The following TENM2 variants were observed in gnomAD, a reference collection of about 807,000 sequenced individuals.
TENM2 encodes teneurin-2.
A neutral mutation model predicts 245.2 loss-of-function variants in TENM2; 52 were observed. That is an observed-to-expected ratio of 0.21 (90% confidence interval 0.17 to 0.27). The LOEUF is 0.27. TENM2 is among the 10% of genes least tolerant of loss of function. TENM2 has a pLI of 1.00. For missense variants in TENM2, 3,046 were observed against 3,666.8 expected (o/e 0.83, Z 4.37); for synonymous variants, 1,363 against 1,438.9 (o/e 0.95, Z 1.19).
At chr5:168,020,822 C>T (rs1311474802) in intron 5 of TENM2, among the ~76,000 whole-genome samples, 1 of 152,148 alleles carries the variant, frequency 6.6e-6, no homozygotes, top group Non-Finnish European at 1.5e-5. Context: ...AGGTGACATG[C>T]CAAACCAAAG....
intron 6 of TENM2, 123 bp downstream of exon 8, chr5:168,047,672 A>G (rs940685780): frequency 6.2e-5 from 75 of 1,202,244 alleles, no homozygotes; most frequent in Non-Finnish European, 2.2e-5. Flanking sequence ...AAACGGGGGG[A>G]AAAATCATTG....
chr5:167,274,994 G>T, the TENM2 span, among the ~76,000 whole-genome samples: 1 of 151,732 alleles, frequency 6.6e-6, no homozygotes, highest in Non-Finnish European at 1.5e-5. Context: ...CCTGTCAGAA[G>T]AATATATATA....
chr5:167,938,291 T>G (rs1487588929), intron 3 of TENM2, among the ~76,000 whole-genome samples: 3 of 152,080 alleles, frequency 2.0e-5, no homozygotes, highest in Non-Finnish European at 4.4e-5. Flanking sequence ...CCCAACAGAA[T>G]AGTGACTTAG....
intron 3 of TENM2, chr5:167,948,835 T>C (rs1416522271): frequency 1.3e-5 from 2 of 152,220 alleles, no homozygotes; most frequent in Non-Finnish European, 2.9e-5. Flanking sequence ...GAGGGTTCCT[T>C]CATCAAGCTG....
intron 2 of TENM2, among the ~76,000 whole-genome samples, chr5:167,554,862 GCTCCTCCTC>G (rs561609926): frequency 6.6e-6 from 1 of 151,380 alleles, no homozygotes; most frequent in African/African-American, 2.4e-5. Flanking sequence ...CTCTCTCTCT[GCTCCTCCTC>G]CTCCTCCTCC....
intron 2 of TENM2, among the ~76,000 whole-genome samples, chr5:167,621,941 A>G (rs1778203621): frequency 6.6e-6 from 1 of 152,170 alleles, no homozygotes; most frequent in African/African-American, 2.4e-5. Flanking sequence ...TTTACTTCTC[A>G]CAAGAAGTTC....
chr5:167,144,118 G>A, the TENM2 span, among the ~76,000 whole-genome samples: 3 of 152,052 alleles, frequency 2.0e-5, 1 homozygote, highest in African/African-American at 7.2e-5. Flanking sequence ...TTCCCCAAAC[G>A]GGTGTGACGT....
chr5:167,837,734 G>A (rs1011423747), intron 2 of TENM2, among the ~76,000 whole-genome samples: 1 of 151,658 alleles, frequency 6.6e-6, no homozygotes, highest in Non-Finnish European at 1.5e-5. Flanking sequence ...TACCAAGTAG[G>A]TGTTCAGTGC....
chr5:167,973,918 G>T (rs1393714296), intron 4 of TENM2, among the ~76,000 whole-genome samples: 3 of 150,350 alleles, frequency 2.0e-5, no homozygotes, highest in Non-Finnish European at 3.0e-5. Flanking sequence ...TGAAGAGGTG[G>T]AAAGGGAGGA....
the TENM2 span, among the ~76,000 whole-genome samples, chr5:167,249,906 A>G: frequency 2.6e-5 from 4 of 152,152 alleles, no homozygotes. Flanking sequence ...ATTATAGACA[A>G]TGCATATGTG....
chr5:167,182,968 A>G, the TENM2 span, among the ~76,000 whole-genome samples: 2 of 152,198 alleles, frequency 1.3e-5, no homozygotes, highest in Non-Finnish European at 1.5e-5. Context: ...CTGATATTAA[A>G]GTGTTCCACT....
the TENM2 span, among the ~76,000 whole-genome samples, chr5:166,980,004 T>C: frequency 6.6e-5 from 10 of 152,366 alleles, 1 homozygote; most frequent in South Asian, 2.1e-3. Flanking sequence ...GTATGGTACA[T>C]GCTGGCTAAA....
intron 2 of TENM2, among the ~76,000 whole-genome samples, chr5:167,789,878 C>A (rs1298896031): frequency 2.0e-5 from 3 of 152,168 alleles, no homozygotes. Flanking sequence ...TAGTACTCAG[C>A]ACAGTGCTGG....
At chr5:167,610,790 C>T (rs1777430387) in intron 2 of TENM2, among the ~76,000 whole-genome samples, 1 of 152,110 alleles carries the variant, frequency 6.6e-6, no homozygotes, top group South Asian at 2.1e-4. Context: ...TAGTTAACAT[C>T]AATTTTCTTT....
intron 2 of TENM2, among the ~76,000 whole-genome samples, chr5:167,875,529 C>T (rs1273990632): frequency 7.2e-5 from 11 of 152,062 alleles, no homozygotes; most frequent in Non-Finnish European, 1.3e-4. Context: ...GTGTGCTAAG[C>T]GGGCGAATGA....
At chr5:167,515,864 G>T (rs1173297649) in intron 2 of TENM2, among the ~76,000 whole-genome samples, 2 of 151,532 alleles carry the variant, frequency 1.3e-5, no homozygotes, top group Middle Eastern at 3.2e-3. Context: ...AATATTTGGG[G>T]CAAATGAAAG....
intron 2 of TENM2, among the ~76,000 whole-genome samples, chr5:167,603,320 C>T (rs4869061): frequency 0.54 from 82,193 of 151,968 alleles, 24,140 homozygotes; most frequent in Middle Eastern, 0.69. Flanking sequence ...GTGTTGGCTT[C>T]CAGATATCAC....
intron 2 of TENM2, among the ~76,000 whole-genome samples, chr5:167,862,241 A>ATGTG (rs138403142): frequency 0.013 from 1,979 of 148,524 alleles, 14 homozygotes; most frequent in South Asian, 0.026. Context: ...AATTTAGAGT[A>ATGTG]TGTGTGTGTG....
chr5:167,099,862 C>T, the TENM2 span, among the ~76,000 whole-genome samples: 2 of 152,110 alleles, frequency 1.3e-5, no homozygotes, highest in Non-Finnish European at 2.9e-5. Context: ...AAAGGTTGCT[C>T]CAGGCATGTG....
Sources: allele counts gnomAD v4.1 joint callset (sites outside exome capture counted in the v4.1 genomes callset), GRCh38; gene constraint gnomAD v4.1.1; transcripts MANE v1.5; gene names NCBI Gene and HGNC (gene_info 2026-07-23, HGNC 2026-07-21).